Variants in GRHL2 observed in about 807,000 individuals in gnomAD.
GRHL2 encodes the protein grainyhead-like protein 2 homolog.
In GRHL2, 21 loss-of-function variants were observed where a neutral mutation model predicts 83.8. That is an observed-to-expected ratio of 0.25 (90% confidence interval 0.18 to 0.36). GRHL2 has a LOEUF of 0.36. Among genes scored for constraint, GRHL2 ranks in the 10% least tolerant of loss-of-function variants. The pLI, the probability that GRHL2 is intolerant of heterozygous loss-of-function variation, is 1.00. For synonymous variants in GRHL2, 280 were observed against 278.9 expected, an observed-to-expected ratio of 1.00 and a Z score of -0.04; for missense variants, 623 against 781.8, an observed-to-expected ratio of 0.80 and a Z score of 2.42.
At chr8:101,544,968 A>G (rs1464990297) in intron 2 of GRHL2, among the ~76,000 whole-genome samples, 1 of 152,132 alleles carries the variant, frequency 6.6e-6, no homozygotes, top group Non-Finnish European at 1.5e-5. Context: ...AGAGTTTTCT[A>G]AAATTACACA....
At chr8:101,555,966 T>A (rs1046953647) in intron 3 of GRHL2, among the ~76,000 whole-genome samples, 7 of 152,184 alleles carry the variant, frequency 4.6e-5, no homozygotes, top group African/African-American at 1.7e-4. Context: ...AAGAACATTT[T>A]TTTTTTGAGA....
chr8:101,616,859 T>G (rs978702755), intron 8 of GRHL2, among the ~76,000 whole-genome samples: 1 of 152,196 alleles, frequency 6.6e-6, no homozygotes, highest in African/African-American at 2.4e-5. Flanking sequence ...ACTGAATGAA[T>G]GAATACATGA....
At chr8:101,641,937 G>A (rs998247826) in intron 12 of GRHL2, among the ~76,000 whole-genome samples, 2 of 152,168 alleles carry the variant, frequency 1.3e-5, no homozygotes, top group African/African-American at 2.4e-5. Context: ...TTCTGTGTAA[G>A]TAATTGATAT....
At chr8:101,678,778 A>G in the GRHL2 span, among the ~76,000 whole-genome samples, 1 of 152,118 alleles carries the variant, frequency 6.6e-6, no homozygotes, top group Admixed American at 6.5e-5. Context: ...TTGACCCCCA[A>G]GCAGCCTAAC....
chr8:101,505,040 G>T (rs1312785502), intron 1 of GRHL2, among the ~76,000 whole-genome samples: 1 of 151,458 alleles, frequency 6.6e-6, no homozygotes, highest in Non-Finnish European at 1.5e-5. Context: ...ATGAACTTTT[G>T]TAAAATGTGA....
intron 1 of GRHL2, among the ~76,000 whole-genome samples, chr8:101,526,066 G>A (rs1423499957): frequency 6.6e-6 from 1 of 152,216 alleles, no homozygotes; most frequent in East Asian, 1.9e-4. Flanking sequence ...GCCTGGCTTA[G>A]CAGATGACTG....
At chr8:101,608,430 G>A (rs926183047) in intron 8 of GRHL2, among the ~76,000 whole-genome samples, 2 of 152,170 alleles carry the variant, frequency 1.3e-5, no homozygotes, top group Non-Finnish European at 2.9e-5. Flanking sequence ...GCGGTGGAGG[G>A]TCCTGAACAA....
chr8:101,650,920 T>C (rs981729419), intron 14 of GRHL2, among the ~76,000 whole-genome samples: 3 of 152,248 alleles, frequency 2.0e-5, no homozygotes, highest in Non-Finnish European at 1.5e-5. Flanking sequence ...CCCCAGGCAA[T>C]TCCGAGTGGA....
intron 1 of GRHL2, among the ~76,000 whole-genome samples, chr8:101,511,746 T>C (rs558576617): frequency 2.0e-5 from 3 of 152,280 alleles, no homozygotes; most frequent in African/African-American, 7.2e-5. Context: ...ACAGACAACT[T>C]TTCCCCCAAG....
At chr8:101,501,594 AGGGGCTGCTGCCGGG>A (rs1810230255) in intron 1 of GRHL2, among the ~76,000 whole-genome samples, 1 of 152,150 alleles carries the variant, frequency 6.6e-6, no homozygotes, top group African/African-American at 2.4e-5. Flanking sequence ...AGCGGCCAGC[AGGGGCTGCTGCCGGG>A]GCCTAGGGTG....
intron 1 of GRHL2, among the ~76,000 whole-genome samples, chr8:101,521,299 T>C (rs1810677946): frequency 6.6e-6 from 1 of 152,148 alleles, no homozygotes; most frequent in Admixed American, 6.5e-5. Context: ...GCCGCTTTGG[T>C]AGTCCTACCA....
intron 4 of GRHL2, among the ~76,000 whole-genome samples, chr8:101,565,677 T>G (rs1328445615): frequency 1.3e-5 from 2 of 152,226 alleles, no homozygotes; most frequent in Non-Finnish European, 2.9e-5. Flanking sequence ...GTGGCGCAAC[T>G]GCACCATCTC....
chr8:101,494,603 T>C (rs567113), intron 1 of GRHL2, among the ~76,000 whole-genome samples: 122,136 of 152,166 alleles, frequency 0.8, 50,784 homozygotes, highest in Non-Finnish European at 0.93. Context: ...TGTTTTGATC[T>C]TTGCCTGCGT....
At chr8:101,678,526 G>A in the GRHL2 span, among the ~76,000 whole-genome samples, 2 of 152,180 alleles carry the variant, frequency 1.3e-5, no homozygotes, top group Non-Finnish European at 2.9e-5. Context: ...CCATTGCCCA[G>A]GCTTGCTTAG....
intron 5 of GRHL2, among the ~76,000 whole-genome samples, chr8:101,571,325 T>C (rs1193219371): frequency 1.3e-5 from 2 of 152,078 alleles, no homozygotes; most frequent in African/African-American, 4.8e-5. Flanking sequence ...AAAAGAGTCA[T>C]GTTTTAAGAC....
At chr8:101,657,787 C>T (rs1813827262) in intron 14 of GRHL2, among the ~76,000 whole-genome samples, 1 of 148,268 alleles carries the variant, frequency 6.7e-6, no homozygotes, top group Admixed American at 6.8e-5. Context: ...TTGCAGTGAG[C>T]GGAGATCCCG....
intron 1 of GRHL2, among the ~76,000 whole-genome samples, chr8:101,509,107 C>CTCCTTCCTTCCTTCCTTCCTTCCT (rs4002326): frequency 1.1e-5 from 1 of 94,856 alleles, no homozygotes; most frequent in African/African-American, 4.4e-5. Context: ...CTTTCTTTCT[C>CTCCTTCCTTCCTTCCTTCCTTCCT]TCCTTCCTTC....
At chr8:101,675,932 C>G in the GRHL2 span, among the ~76,000 whole-genome samples, 24 of 151,840 alleles carry the variant, frequency 1.6e-4, no homozygotes, top group South Asian at 5.0e-3. Flanking sequence ...TGATCTTTGA[C>G]AAACCTGAGA....
At chr8:101,588,256 A>G (rs184879832) in intron 7 of GRHL2, among the ~76,000 whole-genome samples, 1 of 152,322 alleles carries the variant, frequency 6.6e-6, no homozygotes, top group East Asian at 1.9e-4. Flanking sequence ...GTCCACTCAC[A>G]CATACAGTCT....
Sources: allele counts gnomAD v4.1 joint callset (sites outside exome capture counted in the v4.1 genomes callset), GRCh38; gene constraint gnomAD v4.1.1; transcripts MANE v1.5; gene names NCBI Gene and HGNC (gene_info 2026-07-23, HGNC 2026-07-21).